Variants in CCDC178 observed in about 807,000 individuals in gnomAD.
The protein encoded by CCDC178 is coiled-coil domain-containing protein 178.
In CCDC178, 126 loss-of-function variants were observed where a neutral mutation model predicts 117.4. That is an observed-to-expected ratio of 1.07 (90% CI 0.93 to 1.24). The LOEUF (loss-of-function observed/expected upper bound fraction) is 1.24, where lower values mean the gene tolerates loss of function less well. CCDC178 is among the 50% of genes most tolerant of loss of function. CCDC178 has a pLI of 0.00. For missense variants in CCDC178, 1,030 were observed against 986.9 expected, an observed-to-expected ratio of 1.04 and a Z score of -0.59; for synonymous variants, 283 against 313.4, an observed-to-expected ratio of 0.90 and a Z score of 1.02.
intron 21 of CCDC178, among the ~76,000 whole-genome samples, chr18:33,074,527 G>A (rs960926961): frequency 6.6e-6 from 1 of 152,180 alleles, no homozygotes; most frequent in Non-Finnish European, 1.5e-5. Flanking sequence ...ATAAACAAAA[G>A]TGAAGGGATT....
chr18:33,179,118 A>ATATATATATAAAC (rs1275714506), intron 20 of CCDC178, among the ~76,000 whole-genome samples: 1 of 104,406 alleles, frequency 9.6e-6, no homozygotes, highest in Non-Finnish European at 2.2e-5. Flanking sequence ...TAAACTATAT[A>ATATATATATAAAC]TATATATATA....
intron 20 of CCDC178, among the ~76,000 whole-genome samples, chr18:33,101,596 A>G (rs539183427): frequency 3.9e-5 from 6 of 152,086 alleles, no homozygotes; most frequent in African/African-American, 1.4e-4. Context: ...CCCATGGGAT[A>G]CAGATTCCAA....
chr18:33,317,189 C>G (rs995313855), intron 11 of CCDC178, among the ~76,000 whole-genome samples: 10 of 152,080 alleles, frequency 6.6e-5, no homozygotes, highest in African/African-American at 2.4e-4. Flanking sequence ...GTCCACACTG[C>G]CTTTATGAGC....
intron 2 of CCDC178, among the ~76,000 whole-genome samples, chr18:33,424,943 G>A (rs190875442): frequency 8.5e-4 from 129 of 152,238 alleles, no homozygotes; most frequent in Non-Finnish European, 1.6e-3. Context: ...GACCCCAGGC[G>A]TGATATTTGG....
intron 21 of CCDC178, among the ~76,000 whole-genome samples, chr18:33,060,244 C>T (rs272946): frequency 0.14 from 21,666 of 152,034 alleles, 2,399 homozygotes; most frequent in African/African-American, 0.31. Context: ...TTCTGGTTGA[C>T]AAATGACATT....
chr18:33,218,125 T>C (rs2059188852), intron 18 of CCDC178, among the ~76,000 whole-genome samples: 2 of 152,080 alleles, frequency 1.3e-5, no homozygotes, highest in African/African-American at 2.4e-5. Context: ...AAAAATGATA[T>C]GAGGACACCT....
At chr18:33,065,630 A>G (rs941506308) in intron 21 of CCDC178, among the ~76,000 whole-genome samples, 14 of 152,314 alleles carry the variant, frequency 9.2e-5, no homozygotes, top group African/African-American at 3.1e-4. Flanking sequence ...TCCAAGGCAC[A>G]TTGTTGTCCA....
At chr18:33,391,825 T>C (rs1275347850) in intron 4 of CCDC178, among the ~76,000 whole-genome samples, 1 of 152,012 alleles carries the variant, frequency 6.6e-6, no homozygotes, top group African/African-American at 2.4e-5. Flanking sequence ...AATATATATA[T>C]ATGTACTAGG....
At position 33,269,502 on chromosome 18, in the gene CCDC178, C is replaced by T. The variant is rs138507556; in HGVS notation, c.1177-2205G>A. Among the ~76,000 whole-genome samples, 25 of 151,878 alleles carry T rather than the reference C, an allele frequency of 1.6e-4. No individual in the cohort carries two copies. The East Asian group carries it at 3.5e-3, about 21-fold the overall frequency. On this transcript the variant is annotated intron_variant, in intron 12 of 22. Transcript: ENST00000383096. ...GAAACAACAACAATAACAAAAACTA[C>T]GGCAACGTTGGCAACTGCCTGGTTG...
At chr18:33,197,649 C>T (rs943762699) in intron 20 of CCDC178, among the ~76,000 whole-genome samples, 1 of 151,244 alleles carries the variant, frequency 6.6e-6, no homozygotes, top group African/African-American at 2.4e-5. Flanking sequence ...AATACTTATG[C>T]TCGAACCCTG....
rs149486737 is a variant in CCDC178 at position 33,186,045 on chromosome 18, C to T, written c.2238+25851G>A. On this transcript the variant is annotated intron_variant, in intron 20 of 22. Coordinates refer to ENST00000383096, the MANE Select transcript of CCDC178 (RefSeq NM_001105528.4). ...TCCATATTTCATCTATTCAGTCATG[C>T]CTCTAAGAATAATTTATTATCTAAT... Among the ~76,000 whole-genome samples the T allele has an allele frequency of 3.1e-4, 47 of 152,054 alleles. No individual in the cohort carries two copies. In the East Asian group the frequency reaches 6.0e-3, roughly 19 times the overall value.
chr18:33,175,878 C>CA (rs2058658995), intron 20 of CCDC178, among the ~76,000 whole-genome samples: 1 of 152,146 alleles, frequency 6.6e-6, no homozygotes, highest in East Asian at 1.9e-4. Flanking sequence ...GCCTTCCATC[C>CA]AAAAATGTCT....
In CCDC178 at chr18:33,266,980, G is replaced by C; in HGVS notation, c.1345C>G (p.Leu449Val). 1.2e-6 allele frequency: 2 copies of C among 1,602,238 alleles called. No homozygotes were observed. Among genetic ancestry groups the C allele is most frequent in the South Asian group, 1.1e-5 (1 of 88,048 alleles). The change falls in exon 14 of 23, where the codon CTG becomes GTG. Residue 449 changes from leucine (L) to valine (V), a missense_variant. Leu to Val is a conservative substitution (Grantham distance 32). Transcript: ENST00000383096. ...FSAISLACTK[L>V]TEDNKKLEID... ...TCAAGTTTTTTATTGTCTTCCGTCA[G>C]TTTTGTACATGCCAAAGAAATAGCT...
At chr18:33,021,577 C>T (rs563218145) in intron 21 of CCDC178, among the ~76,000 whole-genome samples, 1 of 152,162 alleles carries the variant, frequency 6.6e-6, no homozygotes, top group East Asian at 1.9e-4. Flanking sequence ...CAAAACTTTT[C>T]CCTTGACTAT....
intron 12 of CCDC178, 63 bp from the exon 13 acceptor site, chr18:33,267,360 AAAATAAATTAATCATGAT>A (rs1408160516): frequency 8.9e-6 from 8 of 895,176 alleles, no homozygotes; most frequent in Non-Finnish European, 1.4e-5. Flanking sequence ...CATAAGGTAA[AAAATAAATTAATCATGAT>A]AAAGTAGAAT....
intron 21 of CCDC178, among the ~76,000 whole-genome samples, chr18:33,002,302 T>G (rs887673042): frequency 6.6e-6 from 1 of 151,230 alleles, no homozygotes; most frequent in South Asian, 2.1e-4. Context: ...TTACAAAAAT[T>G]CAAAAAAATA....
At chr18:33,369,383 G>A (rs895704935) in intron 6 of CCDC178, among the ~76,000 whole-genome samples, 2 of 151,684 alleles carry the variant, frequency 1.3e-5, no homozygotes, top group Non-Finnish European at 2.9e-5. Flanking sequence ...TGCTGAGCCA[G>A]ATCCAGTAAC....
At chr18:33,312,022 G>T (rs1319592096) in intron 11 of CCDC178, among the ~76,000 whole-genome samples, 2 of 152,160 alleles carry the variant, frequency 1.3e-5, no homozygotes, top group Admixed American at 1.3e-4. Flanking sequence ...AGGGATTCTT[G>T]AGGGCCTGCC....
chr18:33,255,576 T>TATAG (rs1351101283), intron 14 of CCDC178, among the ~76,000 whole-genome samples: 3 of 151,960 alleles, frequency 2.0e-5, no homozygotes, highest in African/African-American at 7.2e-5. Flanking sequence ...GAGAGAGGGA[T>TATAG]ATAGAACAAC....
Sources: gnomAD v4.1 joint callset for allele counts (sites outside exome capture counted in the v4.1 genomes callset) on GRCh38, gnomAD v4.1.1 for gene constraint, MANE v1.5 for transcripts, NCBI Gene and HGNC (gene_info 2026-07-23, HGNC 2026-07-21) for gene names.